Variants in SETD2 observed in about 807,000 individuals in gnomAD.
SETD2 encodes the protein histone-lysine N-methyltransferase SETD2.
Under a neutral mutation model 242.1 loss-of-function variants are expected in SETD2, and 31 were observed. The ratio of observed to expected loss-of-function variants is 0.13; its 90% CI spans 0.10 to 0.17. The LOEUF is 0.17. SETD2 is among the 10% of genes least tolerant of loss of function. SETD2 has a pLI of 1.00. For synonymous variants in SETD2, 1,006 were observed against 1,066.5 expected, an observed-to-expected ratio of 0.94 and a Z score of 1.11; for missense variants, 2,481 against 3,046.3, an observed-to-expected ratio of 0.81 and a Z score of 4.37.
chr3:47,036,706 C>A (rs1271199787), intron 18 of SETD2, among the ~76,000 whole-genome samples: 1 of 151,840 alleles, frequency 6.6e-6, no homozygotes, highest in African/African-American at 2.4e-5. Context: ...AGTTCAAAAC[C>A]AGCCTGGCCA....
At position 47,018,684 on chromosome 3, in the gene SETD2, C is replaced by G. The variant is rs143081563; in HGVS notation, c.7432-945G>C. The stretch of plus-strand genomic sequence containing the variant: ...TTCCTTCAGTCTATCCCCTCAAACA[C>G]AGATAGGGATTTCATTACCCCCTGC... On this transcript the variant is annotated intron_variant, in intron 19 of 20. Transcript: ENST00000409792. 1.1e-3 allele frequency among the ~76,000 whole-genome samples: 161 copies of G among 152,326 alleles called. 2 individuals are homozygous for G. The East Asian group carries it at 0.031, about 29-fold the overall frequency.
intron 18 of SETD2, among the ~76,000 whole-genome samples, chr3:47,034,945 G>C (rs2038934398): frequency 6.6e-6 from 1 of 152,156 alleles, no homozygotes; most frequent in Admixed American, 6.6e-5. Flanking sequence ...TTCCAAGCTA[G>C]TAGATTATAA....
At chr3:47,048,649 T>G (rs2039644510) in intron 15 of SETD2, among the ~76,000 whole-genome samples, 2 of 152,176 alleles carry the variant, frequency 1.3e-5, no homozygotes, top group Non-Finnish European at 2.9e-5. Context: ...TTTATAACAC[T>G]TATCTTAAAA....
chr3:47,019,376 T>C (rs758710402), intron 19 of SETD2, among the ~76,000 whole-genome samples: 15 of 152,216 alleles, frequency 9.9e-5, no homozygotes. Flanking sequence ...GGTACTGAAG[T>C]GCTTAACCAG....
chr3:47,026,963 A>T (rs2038509845), intron 18 of SETD2, among the ~76,000 whole-genome samples: 1 of 152,008 alleles, frequency 6.6e-6, no homozygotes, highest in Non-Finnish European at 1.5e-5. Context: ...ATATATATAA[A>T]ATAAATAAAT....
At chr3:47,038,626 CA>C (rs1304742613) in intron 17 of SETD2, among the ~76,000 whole-genome samples, 11 of 146,326 alleles carry the variant, frequency 7.5e-5, no homozygotes, top group Non-Finnish European at 4.6e-5. Flanking sequence ...AAAAAACAAA[CA>C]AAAAAAAAAA....
At chr3:47,100,595 T>A (rs1183437158) in intron 8 of SETD2, among the ~76,000 whole-genome samples, 1 of 152,196 alleles carries the variant, frequency 6.6e-6, no homozygotes, top group Non-Finnish European at 1.5e-5. Flanking sequence ...ACAGGGATTT[T>A]ACATAATGTG....
chr3:47,066,123 A>G (rs1027993806), intron 13 of SETD2, among the ~76,000 whole-genome samples: 25 of 152,160 alleles, frequency 1.6e-4, no homozygotes, highest in African/African-American at 5.5e-4. Flanking sequence ...GAAGACCTCT[A>G]TGATGATCTA....
At chr3:47,092,248 A>G (rs180783122) in intron 9 of SETD2, among the ~76,000 whole-genome samples, 2 of 152,164 alleles carry the variant, frequency 1.3e-5, no homozygotes, top group African/African-American at 4.8e-5. Context: ...TCCAGTGGTG[A>G]TAATACAGCT....
chr3:47,035,216 G>C (rs2038945705), intron 18 of SETD2, among the ~76,000 whole-genome samples: 1 of 152,310 alleles, frequency 6.6e-6, no homozygotes, highest in South Asian at 2.1e-4. Flanking sequence ...CTGGGACAGG[G>C]AGTGAGACTC....
At chr3:47,059,108 CTTT>C (rs111615859) in intron 14 of SETD2, among the ~76,000 whole-genome samples, 6 of 104,574 alleles carry the variant, frequency 5.7e-5, no homozygotes, top group East Asian at 3.0e-4. Flanking sequence ...CACGCCTGGC[CTTT>C]TTTTTTTTTT....
chr3:47,083,342 ATTT>A (rs2041396891), intron 12 of SETD2, among the ~76,000 whole-genome samples: 1 of 152,204 alleles, frequency 6.6e-6, no homozygotes, highest in South Asian at 2.1e-4. Flanking sequence ...TTTTCCAATT[ATTT>A]TTAATTTTCC....
rs201001121 is a variant in SETD2 at position 47,113,862 on chromosome 3, A to T, written c.4715+14T>A. ...TCAAAAAAGGAAGTGAAAGGTAATT[A>T]AAAAAGAACTTACGAAGGAAGGTCT... On this transcript the variant is annotated intron_variant, in intron 5 of 20. Transcript: ENST00000409792. The T allele has an allele frequency of 1.9e-5, 31 of 1,604,218 alleles. No individual in the cohort carries two copies. Among genetic ancestry groups the T allele is most frequent in the Middle Eastern group, 1.7e-4 (1 of 5,984 alleles).
chr3:47,146,890 G>T (rs1450377585), intron 1 of SETD2, among the ~76,000 whole-genome samples: 1 of 151,594 alleles, frequency 6.6e-6, no homozygotes, highest in African/African-American at 2.4e-5. Flanking sequence ...CAGTGAGCCA[G>T]GTTTGCATTA....
At chr3:47,154,568 G>A (rs1021031832) in intron 1 of SETD2, among the ~76,000 whole-genome samples, 4 of 152,112 alleles carry the variant, frequency 2.6e-5, no homozygotes, top group Non-Finnish European at 4.4e-5. Flanking sequence ...AATACATTAA[G>A]TTCTTGGATA....
At chr3:47,062,986 C>T (rs9826669) in intron 13 of SETD2, among the ~76,000 whole-genome samples, 2,769 of 152,192 alleles carry the variant, frequency 0.018, 96 homozygotes, top group African/African-American at 0.062. Flanking sequence ...TTTTAATGAA[C>T]TACAGTTATC....
intron 18 of SETD2, among the ~76,000 whole-genome samples, chr3:47,033,866 T>C (rs1379943839): frequency 6.6e-6 from 1 of 152,050 alleles, no homozygotes; most frequent in Non-Finnish European, 1.5e-5. Context: ...AGACAGTGTT[T>C]CACCATGTTG....
In SETD2 at chr3:47,122,523, A is replaced by G. The variant is rs746219041; in HGVS notation, c.2113T>C (p.Ser705Pro). 6.2e-7 allele frequency: 1 copy of G among 1,614,140 alleles called. No individual in the cohort carries two copies. The highest frequency in any genetic ancestry group is 8.5e-7 in the Non-Finnish European group (1 of 1,179,974). The change falls in exon 3 of 21, where the codon TCG becomes CCG. Residue 705 changes from serine (S) to proline (P), a missense_variant. Ser to Pro is a moderately conservative substitution (Grantham distance 74, BLOSUM62 -1). Transcript: ENST00000409792. ...LMTSDDSVTG[S>P]ELSPLVKACM... ...GCTTTGACCAAAGGGGATAATTCCG[A>G]TCCAGTCACACTATCATCAGAAGTC...
At chr3:47,087,782 C>T (rs1402777549) in intron 10 of SETD2, among the ~76,000 whole-genome samples, 5 of 152,112 alleles carry the variant, frequency 3.3e-5, no homozygotes, top group African/African-American at 7.2e-5. Flanking sequence ...GCCTGGCCAA[C>T]ATGGTGAAAC....
Sources: allele counts gnomAD v4.1 joint callset (sites outside exome capture counted in the v4.1 genomes callset), GRCh38; gene constraint gnomAD v4.1.1; transcripts MANE v1.5; gene names NCBI Gene and HGNC (gene_info 2026-07-23, HGNC 2026-07-21).